Variants in TRIOBP observed in about 807,000 individuals in gnomAD.
The protein encoded by TRIOBP is TRIO and F-actin binding protein, also known as TRIO and F-actin-binding protein.
Under a neutral mutation model 238.8 loss-of-function variants are expected in TRIOBP, and 169 were observed. The ratio of observed to expected loss-of-function variants is 0.71; its 90% CI spans 0.62 to 0.80. The LOEUF (loss-of-function observed/expected upper bound fraction) is 0.80. Among genes scored for constraint, TRIOBP ranks in the 30% least tolerant of loss-of-function variants. The pLI is 0.00. For missense variants in TRIOBP, 2,838 were observed against 3,122.6 expected (o/e 0.91, Z 2.17); for synonymous variants, 1,150 against 1,274.4 (o/e 0.90, Z 2.08).
intron 9 of TRIOBP, 74 bp downstream of exon 9, chr22:37,735,516 T>C: frequency 6.6e-7 from 1 of 1,512,682 alleles, no homozygotes; most frequent in East Asian, 2.5e-5. Flanking sequence ...TGGAAAAGCC[T>C]CCCCTTGGAG....
rs11546529 is a variant in TRIOBP, at chr22:37,758,060, C to T, written c.6135C>T (p.Pro2045=). The change falls in exon 16 of 24, where the codon CCC becomes CCT. Residue 2045 remains proline, a synonymous_variant. Coordinates refer to ENST00000644935, the MANE Select transcript of TRIOBP (RefSeq NM_001039141.3). ...CCCTGCGGGAGAATAAGCGGGTGCC[C>T]CTCACTGCCCTGCTCAACCAAAGCC... ...KLPLRENKRV[P]LTALLNQSRG... is the part of the protein sequence containing the mutation. 1,431 of 1,611,922 alleles carry T rather than the reference C, an allele frequency of 8.9e-4. 10 individuals are homozygous for T. The African/African-American group carries it at 0.018, about 20-fold the overall frequency.
chr22:37,732,345 A>C (rs1007796708), intron 7 of TRIOBP, among the ~76,000 whole-genome samples: 1 of 152,106 alleles, frequency 6.6e-6, no homozygotes, highest in African/African-American at 2.4e-5. Flanking sequence ...CCAGTGTCTT[A>C]GAAACAACAC....
At chr22:37,766,550 C>T (rs549381982) in intron 18 of TRIOBP, among the ~76,000 whole-genome samples, 5 of 152,356 alleles carry the variant, frequency 3.3e-5, no homozygotes, top group South Asian at 2.1e-4. Flanking sequence ...GTCTGGACTT[C>T]GCCCTGTAAT....
intron 11 of TRIOBP, among the ~76,000 whole-genome samples, chr22:37,745,957 C>T (rs1225585412): frequency 6.6e-6 from 1 of 151,722 alleles, no homozygotes; most frequent in Non-Finnish European, 1.5e-5. Flanking sequence ...ACCCTGGGCC[C>T]TTCCTTCCTC....
At chr22:37,719,248 G>A (rs1402717299) in intron 6 of TRIOBP, among the ~76,000 whole-genome samples, 14 of 151,676 alleles carry the variant, frequency 9.2e-5, no homozygotes, top group Non-Finnish European at 1.8e-4. Context: ...GGCCATGGTT[G>A]TGGGGTGAGG....
rs768606841 is a variant in TRIOBP, at chr22:37,725,290, C to A, written c.2734C>A (p.Arg912=). 1 of 1,613,932 alleles carries A rather than the reference C, an allele frequency of 6.2e-7. No individual in the cohort carries two copies. Among genetic ancestry groups the A allele is most frequent in the South Asian group, 1.1e-5 (1 of 91,076 alleles). Residue 912 remains arginine, a synonymous_variant, in exon 7 of 24, where the codon CGG becomes AGG. Coordinates refer to ENST00000644935, the MANE Select transcript of TRIOBP (RefSeq NM_001039141.3). ...KDIPWASFPL[R]PTQSDGPRTS... ...CATCCCCTGGGCCTCGTTTCCCCTC[C>A]GGCCAACTCAGAGTGATGGTCCCCG...
At chr22:37,759,855 C>CGT (rs1215511378) in intron 17 of TRIOBP, 2 of 971,712 alleles carry the variant, frequency 2.1e-6, no homozygotes, top group Middle Eastern at 4.2e-4. Flanking sequence ...CTAGAAAAAA[C>CGT]GTGTGTGTGT....
intron 4 of TRIOBP, among the ~76,000 whole-genome samples, chr22:37,712,555 G>A (rs908104674): frequency 4.6e-5 from 7 of 151,694 alleles, no homozygotes; most frequent in Admixed American, 1.3e-4. Context: ...GGCTAGTCTC[G>A]GACTACTGAC....
intron 22 of TRIOBP, 112 bp from the exon 23 acceptor site, chr22:37,772,489 G>C: frequency 6.7e-7 from 1 of 1,485,432 alleles, no homozygotes; most frequent in Non-Finnish European, 9.3e-7. Context: ...CACCTGGAGG[G>C]ATGAAGCGAG....
In TRIOBP at chr22:37,755,556, G is replaced by GCC; in HGVS notation, c.5584_5585insCC (p.Asp1862AlafsTer10). ...CCATGCGGTGGCCTTGCAGACCAAG[G>GCC]ATGCTGTCTATACCTTGTCGGCCAT... On this transcript the variant is annotated frameshift_variant, in exon 15 of 24. Coordinates refer to ENST00000644935, the MANE Select transcript of TRIOBP (RefSeq NM_001039141.3). LOFTEE classifies it high-confidence loss of function. 6.2e-7 allele frequency: 1 copy of GCC among 1,613,966 alleles called. No homozygotes were observed. Among genetic ancestry groups the GCC allele is most frequent in the Non-Finnish European group, 8.5e-7 (1 of 1,180,002 alleles).
intron 3 of TRIOBP, among the ~76,000 whole-genome samples, chr22:37,705,336 C>A (rs1403278080): frequency 6.8e-5 from 10 of 147,438 alleles, no homozygotes; most frequent in African/African-American, 2.5e-4. Flanking sequence ...GATTGCACCA[C>A]TGTACTCCAG....
chr22:37,753,406 C>T (rs1158945957), intron 12 of TRIOBP, among the ~76,000 whole-genome samples: 1 of 152,178 alleles, frequency 6.6e-6, no homozygotes, highest in Non-Finnish European at 1.5e-5. Context: ...TCCCGAGTAG[C>T]CGGGATTACA....
chr22:37,763,962 C>T (rs964462734), intron 17 of TRIOBP, among the ~76,000 whole-genome samples: 1 of 152,234 alleles, frequency 6.6e-6, no homozygotes, highest in African/African-American at 2.4e-5. Context: ...CGGCCCCTTC[C>T]TTCATCTTCA....
At chr22:37,756,560 A>G (rs1925931155) in intron 15 of TRIOBP, among the ~76,000 whole-genome samples, 1 of 152,236 alleles carries the variant, frequency 6.6e-6, no homozygotes, top group South Asian at 2.1e-4. Flanking sequence ...ATCTAGGCCC[A>G]GCTGCTTTAA....
At chr22:37,705,236 G>A (rs1274263071) in intron 3 of TRIOBP, among the ~76,000 whole-genome samples, 1 of 151,948 alleles carries the variant, frequency 6.6e-6, no homozygotes, top group Non-Finnish European at 1.5e-5. Context: ...TTAGCTACAT[G>A]TGGTGGTGGG....
At position 37,723,294 on chromosome 22, in the gene TRIOBP, G is replaced by A; in HGVS notation, c.738G>A (p.Met246Ile). ...CAACACTGACCCAGGCTTCCTCCAT[G>A]ACACCACACAGTGGACCTCGAAGCA... ...HRSTLTQASS[M>I]TPHSGPRSTT... The change falls in exon 7 of 24, where the codon ATG becomes ATA. Residue 246 changes from methionine (M) to isoleucine (I), a missense_variant. Coordinates refer to ENST00000644935, the MANE Select transcript of TRIOBP (RefSeq NM_001039141.3). The A allele has an allele frequency of 1.2e-6, 2 of 1,614,074 alleles. No individual in the cohort carries two copies. Among genetic ancestry groups the A allele is most frequent in the Non-Finnish European group, 1.7e-6 (2 of 1,179,988 alleles).
intron 18 of TRIOBP, among the ~76,000 whole-genome samples, chr22:37,766,171 G>C (rs1482168504): frequency 6.6e-6 from 1 of 152,196 alleles, no homozygotes; most frequent in Non-Finnish European, 1.5e-5. Context: ...TCATAGGAGT[G>C]CCTCCTCCCT....
chr22:37,757,615 T>G lies in TRIOBP; in HGVS notation c.5690T>G (p.Leu1897Arg). The change falls in exon 16 of 24, where the codon CTC becomes CGC. Residue 1897 changes from leucine to arginine, a missense_variant and splice_region_variant. Transcript: ENST00000644935. ...RPTSAPDVTK[L>R]SDSNKENALH... Reference sequence around the variant, plus strand: ...ACGTGGCTCTGCTGGTGCCCTAGGCTCTCGGACTCTAACAAGGAGAACGCG... The same window carrying G: ...ACGTGGCTCTGCTGGTGCCCTAGGCGCTCGGACTCTAACAAGGAGAACGCG... 1 of 1,580,644 alleles carries G rather than the reference T, an allele frequency of 6.3e-7. No homozygotes were observed. Among genetic ancestry groups the G allele is most frequent in the Non-Finnish European group, 8.6e-7 (1 of 1,166,322 alleles).
chr22:37,749,764 T>C (rs543138379), intron 11 of TRIOBP, among the ~76,000 whole-genome samples: 6 of 101,644 alleles, frequency 5.9e-5, no homozygotes, highest in African/African-American at 2.4e-4. Context: ...CTGGGAAACA[T>C]AGGGAGACCC....
Sources: gnomAD v4.1 joint callset for allele counts (sites outside exome capture counted in the v4.1 genomes callset) on GRCh38, gnomAD v4.1.1 for gene constraint, MANE v1.5 for transcripts, NCBI Gene and HGNC (gene_info 2026-07-23, HGNC 2026-07-21) for gene names.